Variants in NRAP observed in about 807,000 individuals in gnomAD.
NRAP encodes the protein nebulin related anchoring protein.
A neutral mutation model predicts 225.9 loss-of-function variants in NRAP; 189 were observed. The ratio of observed to expected loss-of-function variants is 0.84; its 90% CI spans 0.74 to 0.94. The LOEUF is 0.94. Among genes scored for constraint, NRAP ranks in the 40% least tolerant of loss-of-function variants. NRAP has a pLI of 0.00. For synonymous variants in NRAP, 769 were observed against 790.7 expected, an observed-to-expected ratio of 0.97 and a Z score of 0.46; for missense variants, 2,176 against 2,168.7, an observed-to-expected ratio of 1.00 and a Z score of -0.07.
chr10:113,650,681 G>A, intron 7 of NRAP, 136 bp from the exon 8 acceptor site: 2 of 665,046 alleles, frequency 3.0e-6, no homozygotes, highest in Admixed American at 4.4e-5. Context: ...CTTACAGTTT[G>A]ATGGGCCATG....
chr10:113,650,416 C>A (rs1849871813), intron 8 of NRAP, 22 bp downstream of exon 8: 1 of 1,539,072 alleles, frequency 6.5e-7, no homozygotes, highest in East Asian at 2.2e-5. Context: ...CCTAACATGA[C>A]CACATTGTCA....
In NRAP at chr10:113,614,894, C is replaced by T. The variant is rs1201999804; in HGVS notation, c.3131G>A (p.Arg1044Lys). The T allele has an allele frequency of 5.0e-6, 8 of 1,613,424 alleles. No homozygotes were observed. The Admixed American group carries it at 1.2e-4, about 24-fold the overall frequency. Residue 1044 changes from arginine to lysine, a missense_variant, in exon 28 of 42, where the codon AGG becomes AAG. Transcript: ENST00000359988. The part of the protein sequence containing the change: ...SKLRDGGYKL[R>K]LDALPFQAAK... ...TGCTTGGAATGGAAGGGCATCCAAC[C>T]TCAGTTTATAGCCACCATCTCGAAG...
At chr10:113,625,369 C>T (rs1030515798) in intron 21 of NRAP, among the ~76,000 whole-genome samples, 1 of 152,186 alleles carries the variant, frequency 6.6e-6, no homozygotes, top group African/African-American at 2.4e-5. Context: ...GGTACTGACA[C>T]CAGGAAGTGA....
intron 25 of NRAP, among the ~76,000 whole-genome samples, chr10:113,619,546 T>G (rs1391828200): frequency 6.6e-6 from 1 of 151,348 alleles, no homozygotes; most frequent in Admixed American, 6.6e-5. Flanking sequence ...ATACTAATGC[T>G]GGACAGGTGT....
At chr10:113,593,494 G>A (rs1373928999) in intron 38 of NRAP, among the ~76,000 whole-genome samples, 4 of 152,038 alleles carry the variant, frequency 2.6e-5, no homozygotes, top group Admixed American at 1.3e-4. Context: ...TCCAACACCC[G>A]ATGCCGTAAA....
Position 113,612,288 on chromosome 10 carries a change from C to A in NRAP, c.3444G>T (p.Leu1148Phe). 6.2e-7 allele frequency: 1 copy of A among 1,614,128 alleles called. No individual in the cohort carries two copies. Among genetic ancestry groups the A allele is most frequent in the South Asian group, 1.1e-5 (1 of 91,066 alleles). The change falls in exon 30 of 42, where the codon TTG (leucine) becomes TTT (phenylalanine). Residue 1148 changes from leucine (L) to phenylalanine (F), a missense_variant. Around this residue, in one of 3 missense-constraint regions of NRAP, gnomAD observed 1,708 missense variants for 1,695.5 expected, o/e 1.01. Transcript: ENST00000359988. ...YKHPLPQYTSLAEDLRLSCAK... is the reference protein window; with the variant it reads ...YKHPLPQYTSFAEDLRLSCAK... Reference sequence around the variant, plus strand: ...CACAGCTCAGCCTCAGGTCTTCTGCCAAGGAAGTGTACTGGGGCAGTGGAT... The same window carrying A: ...CACAGCTCAGCCTCAGGTCTTCTGCAAAGGAAGTGTACTGGGGCAGTGGAT...
At chr10:113,608,311 C>T (rs768030023) in intron 32 of NRAP, 103 bp downstream of exon 32, 8 of 700,864 alleles carry the variant, frequency 1.1e-5, no homozygotes, top group Admixed American at 2.5e-5. Context: ...CAAACCTCCA[C>T]ATAAACACCC....
intron 16 of NRAP, 99 bp from the exon 17 acceptor site, chr10:113,632,063 C>T (rs1314528663): frequency 2.7e-6 from 2 of 751,558 alleles, no homozygotes; most frequent in Non-Finnish European, 4.8e-6. Flanking sequence ...CCTCTATTTA[C>T]AGACCAGAGG....
intron 20 of NRAP, 24 bp from the exon 21 acceptor site, chr10:113,626,169 C>T: frequency 6.5e-7 from 1 of 1,548,374 alleles, no homozygotes; most frequent in East Asian, 2.4e-5. Context: ...AAAGGGACCC[C>T]ACAGCATTAG....
chr10:113,628,279 C>T (rs541068179), intron 20 of NRAP, among the ~76,000 whole-genome samples: 1 of 152,262 alleles, frequency 6.6e-6, no homozygotes, highest in South Asian at 2.1e-4. Context: ...CCTCTGCCTC[C>T]CAGGTTCAAG....
intron 35 of NRAP, 149 bp from the exon 36 acceptor site, chr10:113,598,222 T>C (rs1225318129): frequency 1.5e-6 from 1 of 662,114 alleles, no homozygotes; most frequent in Non-Finnish European, 2.8e-6. Flanking sequence ...CTGCATGTCG[T>C]CAAGTCAAAC....
In NRAP at chr10:113,652,516, G is replaced by A. The variant is rs180774548; in HGVS notation, c.570+419C>T. 2.5e-3 allele frequency among the ~76,000 whole-genome samples: 373 copies of A among 152,062 alleles called. 3 individuals carry two copies. Among genetic ancestry groups the A allele is most frequent in the South Asian group, 1.2e-3 (6 of 4,818 alleles). ...AAAAATTAGCTGGGTGTGGTGGCAC[G>A]TGCCTGTAGTCCAGCTACTCGGGAG... On this transcript the variant is annotated intron_variant, in intron 6 of 41. Transcript: ENST00000359988.
Position 113,662,338 on chromosome 10 carries a change from G to C in NRAP, c.255+341C>G, listed in dbSNP as rs73355736. Among the ~76,000 whole-genome samples, 1,160 of 151,996 alleles carry C rather than the reference G, an allele frequency of 7.6e-3. 16 individuals carry two copies. Among genetic ancestry groups the C allele is most frequent in the African/African-American group, 0.026 (1,075 of 41,504 alleles). On this transcript the variant is annotated intron_variant, in intron 3 of 41. Transcript: ENST00000359988. ...GGGCATTTAGGGTGTTTATCGGCTCGAGTATTTATCATTTCTATTCTAGCT... is the reference window on the plus strand; with the variant it reads ...GGGCATTTAGGGTGTTTATCGGCTCCAGTATTTATCATTTCTATTCTAGCT...
intron 25 of NRAP, among the ~76,000 whole-genome samples, chr10:113,619,023 G>A (rs1411716917): frequency 1.3e-5 from 2 of 152,136 alleles, no homozygotes; most frequent in Non-Finnish European, 1.5e-5. Context: ...AAATGAGATG[G>A]GGGGGAAAGT....
chr10:113,609,712 T>A (rs1847209850), intron 31 of NRAP, among the ~76,000 whole-genome samples: 1 of 151,996 alleles, frequency 6.6e-6, no homozygotes, highest in Admixed American at 6.6e-5. Context: ...AATTAAGAAG[T>A]GGAGGCTCAG....
Position 113,595,649 on chromosome 10 carries a change from G to A in NRAP, c.4510C>T (p.Arg1504Cys), listed in dbSNP as rs757999218. 8 of 1,613,292 alleles carry A rather than the reference G, an allele frequency of 5.0e-6. No homozygotes were observed. In the East Asian group the frequency reaches 8.9e-5, roughly 18 times the overall value. Residue 1504 changes from arginine to cysteine, a missense_variant, in exon 38 of 42, where the codon CGC becomes TGC. Physicochemically the swap from Arg to Cys is radical, Grantham distance 180 (BLOSUM62 -3). Coordinates refer to ENST00000359988, the MANE Select transcript of NRAP (RefSeq NM_198060.4). Reference protein sequence around the residue: ...IPDHPDFTRARLNALHLSDKV... With the variant: ...IPDHPDFTRACLNALHLSDKV... ...TCACTCAGATGCAGCGCATTGAGGC[G>A]AGCTCGGGTGAAATCGGGATGGTCG... is the stretch of plus-strand genomic sequence containing the variant.
At chr10:113,661,764 T>G (rs1442381723) in intron 3 of NRAP, among the ~76,000 whole-genome samples, 1 of 152,158 alleles carries the variant, frequency 6.6e-6, no homozygotes. Flanking sequence ...TAAACTAAAC[T>G]TCCTTTCCAA....
intron 14 of NRAP, 120 bp from the exon 15 acceptor site, chr10:113,634,330 A>G: frequency 1.4e-6 from 1 of 695,682 alleles, no homozygotes; most frequent in Non-Finnish European, 2.6e-6. Flanking sequence ...AAAGAGTCCA[A>G]TATTCCAACT....
chr10:113,601,010 T>C (rs2133870912), intron 35 of NRAP, among the ~76,000 whole-genome samples: 1 of 152,268 alleles, frequency 6.6e-6, no homozygotes, highest in East Asian at 1.9e-4. Context: ...TCCGTGACAT[T>C]TCCTGCATGT....
Sources: gnomAD v4.1 joint callset for allele counts (sites outside exome capture counted in the v4.1 genomes callset) on GRCh38, gnomAD v4.1.1 for gene constraint, gnomAD v4.1.1 regional missense constraint, MANE v1.5 for transcripts, NCBI Gene and HGNC (gene_info 2026-07-23, HGNC 2026-07-21) for gene names.